ERBB4: variants seen among roughly 807,000 people sequenced by gnomAD.
The protein encoded by ERBB4 is erb-b2 receptor tyrosine kinase 4.
In ERBB4, 42 loss-of-function variants were observed where a neutral mutation model predicts 158.0. That is an observed-to-expected ratio of 0.27 (90% CI 0.21 to 0.34). The LOEUF (loss-of-function observed/expected upper bound fraction) is 0.34. Ranked by LOEUF, ERBB4 falls within the 10% of genes least tolerant of loss-of-function variation. The pLI, the probability that ERBB4 is intolerant of heterozygous loss-of-function variation, is 1.00. For synonymous variants in ERBB4, 583 were observed against 558.7 expected (o/e 1.04, Z -0.61); for missense variants, 1,333 against 1,624.1 (o/e 0.82, Z 3.08).
At chr2:211,677,510 C>G (rs2072125552) in intron 13 of ERBB4, among the ~76,000 whole-genome samples, 1 of 149,406 alleles carries the variant, frequency 6.7e-6, no homozygotes, top group African/African-American at 2.5e-5. Context: ...TTGTGGTGAG[C>G]TGAGATCAGG....
chr2:211,810,662 CT>C (rs59305629), intron 3 of ERBB4, among the ~76,000 whole-genome samples: 13 of 101,522 alleles, frequency 1.3e-4, no homozygotes, highest in East Asian at 5.7e-4. Flanking sequence ...CAGTCTCTGT[CT>C]TTTTTTTTTT....
At chr2:211,414,591 A>C (rs2063342828) in intron 25 of ERBB4, among the ~76,000 whole-genome samples, 1 of 152,168 alleles carries the variant, frequency 6.6e-6, no homozygotes, top group South Asian at 2.1e-4. Flanking sequence ...CAATATTTTA[A>C]AACATAACTA....
At chr2:211,735,107 C>A (rs192549702) in intron 5 of ERBB4, among the ~76,000 whole-genome samples, 96 of 151,784 alleles carry the variant, frequency 6.3e-4, no homozygotes, top group African/African-American at 2.3e-3. Context: ...CACACATATA[C>A]CAAATATTAC....
chr2:212,346,313 C>T (rs905428566), intron 1 of ERBB4, among the ~76,000 whole-genome samples: 11 of 151,802 alleles, frequency 7.2e-5, no homozygotes, highest in African/African-American at 2.7e-4. Context: ...TGATGGCCCC[C>T]CCCAAGAAAA....
intron 3 of ERBB4, among the ~76,000 whole-genome samples, chr2:211,889,239 C>A (rs1302873609): frequency 2.1e-5 from 3 of 144,822 alleles, no homozygotes; most frequent in Admixed American, 6.7e-5. Flanking sequence ...GGGTCCCTGA[C>A]CCCTGACCCC....
intron 19 of ERBB4, among the ~76,000 whole-genome samples, chr2:211,572,803 TGTA>T (rs2067768972): frequency 6.6e-6 from 1 of 152,228 alleles, no homozygotes; most frequent in Non-Finnish European, 1.5e-5. Context: ...ATCCTTCTAA[TGTA>T]GTCATCTTGA....
chr2:211,456,078 C>A (rs978308509), intron 20 of ERBB4, among the ~76,000 whole-genome samples: 2 of 152,144 alleles, frequency 1.3e-5, no homozygotes, highest in African/African-American at 4.8e-5. Context: ...TGTGTATTGA[C>A]TGATGAGGAG....
chr2:211,736,810 A>G (rs62182995), intron 5 of ERBB4, among the ~76,000 whole-genome samples: 3,574 of 152,282 alleles, frequency 0.023, 78 homozygotes, highest in African/African-American at 0.058. Flanking sequence ...GCAGTATATT[A>G]AATTGTGGGC....
chr2:211,691,602 G>GTATA (rs796180189), intron 12 of ERBB4, among the ~76,000 whole-genome samples: 11 of 145,424 alleles, frequency 7.6e-5, no homozygotes, highest in African/African-American at 2.3e-4. Flanking sequence ...GTGTGTGTGT[G>GTATA]TATATATATA....
intron 20 of ERBB4, among the ~76,000 whole-genome samples, chr2:211,446,945 C>A (rs1028825923): frequency 6.6e-6 from 1 of 152,012 alleles, no homozygotes; most frequent in Non-Finnish European, 1.5e-5. Flanking sequence ...TTTTCCACAT[C>A]ACAATATATT....
rs189110254 is a variant in ERBB4 at position 211,815,637 on chromosome 2, T to C, written c.422-27478A>G. On this transcript the variant is annotated intron_variant, in intron 3 of 27. Coordinates refer to ENST00000342788, the MANE Select transcript of ERBB4 (RefSeq NM_005235.3). ...TGTTTATGGTGTATGTGATAGTTAA[T>C]ATTAGATGTCAACTAGACCAGATTG... is the stretch of plus-strand genomic sequence containing the variant. Among the ~76,000 whole-genome samples, 27 of 152,352 alleles carry C rather than the reference T, an allele frequency of 1.8e-4. 1 individual carries two copies. Among genetic ancestry groups the C allele is most frequent in the African/African-American group, 6.5e-4 (27 of 41,580 alleles).
chr2:212,410,879 CAA>C (rs1560245510), intron 1 of ERBB4, among the ~76,000 whole-genome samples: 1 of 152,002 alleles, frequency 6.6e-6, no homozygotes, highest in Non-Finnish European at 1.5e-5. Flanking sequence ...GATAGTTTCT[CAA>C]AGATTATTTA....
intron 2 of ERBB4, among the ~76,000 whole-genome samples, chr2:212,065,842 T>C (rs1338709812): frequency 6.6e-6 from 1 of 152,014 alleles, no homozygotes; most frequent in African/African-American, 2.4e-5. Flanking sequence ...TTTACAGAAT[T>C]TAATGCTTAG....
At chr2:212,353,912 T>G (rs913032330) in intron 1 of ERBB4, among the ~76,000 whole-genome samples, 10 of 152,156 alleles carry the variant, frequency 6.6e-5, no homozygotes, top group Non-Finnish European at 1.0e-4. Context: ...CTTAATTCCT[T>G]TCTTCTTCTT....
At chr2:212,401,724 A>T (rs1322919585) in intron 1 of ERBB4, among the ~76,000 whole-genome samples, 2 of 151,926 alleles carry the variant, frequency 1.3e-5, no homozygotes, top group Non-Finnish European at 2.9e-5. Flanking sequence ...TTATTATATA[A>T]TTTTTTTTAT....
At chr2:212,383,399 C>T (rs1444954539) in intron 1 of ERBB4, among the ~76,000 whole-genome samples, 3 of 151,404 alleles carry the variant, frequency 2.0e-5, no homozygotes, top group Non-Finnish European at 4.4e-5. Flanking sequence ...GAAGTTTCCA[C>T]TTATCCGAAA....
intron 1 of ERBB4, among the ~76,000 whole-genome samples, chr2:212,311,877 T>C (rs1296130620): frequency 6.6e-6 from 1 of 150,772 alleles, no homozygotes; most frequent in East Asian, 2.0e-4. Flanking sequence ...ACAAGAGAAA[T>C]CTATTAGAGC....
At chr2:212,124,301 T>C (rs2079850613) in intron 2 of ERBB4, among the ~76,000 whole-genome samples, 1 of 152,168 alleles carries the variant, frequency 6.6e-6, no homozygotes, top group Non-Finnish European at 1.5e-5. Flanking sequence ...CAGATGCTTT[T>C]CTTTCCTTTT....
intron 5 of ERBB4, among the ~76,000 whole-genome samples, chr2:211,729,805 T>C (rs2074374902): frequency 6.6e-6 from 1 of 151,958 alleles, no homozygotes; most frequent in Admixed American, 6.6e-5. Flanking sequence ...GCTCAAATAT[T>C]TCATTACATT....
Sources: gnomAD v4.1 joint callset for allele counts (sites outside exome capture counted in the v4.1 genomes callset) on GRCh38, gnomAD v4.1.1 for gene constraint, MANE v1.5 for transcripts, NCBI Gene and HGNC (gene_info 2026-07-23, HGNC 2026-07-21) for gene names.